CLSTN2: variants seen among roughly 807,000 people sequenced by gnomAD.
CLSTN2 encodes calsyntenin 2.
In CLSTN2, 48 loss-of-function variants were observed where a neutral mutation model predicts 101.2. The ratio of observed to expected loss-of-function variants is 0.47; its 90% CI spans 0.38 to 0.60. The LOEUF (loss-of-function observed/expected upper bound fraction) is 0.60. Ranked by LOEUF, CLSTN2 falls within the 20% of genes least tolerant of loss-of-function variation. The probability of loss-of-function intolerance (pLI) is 0.00; values close to 1 mark genes in which losing one functional copy is unlikely to be tolerated. For missense variants in CLSTN2, 1,160 were observed against 1,238.2 expected (o/e 0.94, Z 0.95); for synonymous variants, 481 against 463.6 (o/e 1.04, Z -0.48).
intron 1 of CLSTN2, among the ~76,000 whole-genome samples, chr3:140,065,868 A>G (rs998007467): frequency 9.2e-5 from 14 of 152,174 alleles, no homozygotes; most frequent in Admixed American, 2.6e-4. Context: ...CTACTTTTAT[A>G]ATCCCATGGA....
chr3:140,401,190 C>A (rs375056942), intron 2 of CLSTN2, among the ~76,000 whole-genome samples: 39 of 152,334 alleles, frequency 2.6e-4, no homozygotes, highest in African/African-American at 9.1e-4. Context: ...GCAACCAGAA[C>A]CCAAGTGTCA....
Position 140,562,148 on chromosome 3 carries a change from A to G in CLSTN2, c.2052A>G (p.Ser684=), listed in dbSNP as rs1935927913. The G allele has an allele frequency of 6.2e-7, 1 of 1,613,826 alleles. No individual in the cohort carries two copies. Among genetic ancestry groups the G allele is most frequent in the Non-Finnish European group, 8.5e-7 (1 of 1,179,904 alleles). The change falls in exon 13 of 17, where the codon TCA becomes TCG. Residue 684 remains serine (S), a synonymous_variant. Transcript: ENST00000458420. ...PGDVKTTDPK[S]EVLEEMLHNL... is the part of the protein sequence containing the mutation. ...TCTGTCTTCCTACAGACCCCAAATC[A>G]GAAGTCTTAGAGGAAATGCTTCATA... is the stretch of plus-strand genomic sequence containing the variant.
intron 2 of CLSTN2, among the ~76,000 whole-genome samples, chr3:140,295,131 TG>T (rs2086990544): frequency 1.3e-5 from 2 of 152,338 alleles, no homozygotes; most frequent in South Asian, 4.1e-4. Context: ...CAAGTTGTTT[TG>T]CCAGTTTTCT....
intron 2 of CLSTN2, among the ~76,000 whole-genome samples, chr3:140,251,382 G>A (rs2086562297): frequency 6.6e-6 from 1 of 152,124 alleles, no homozygotes; most frequent in African/African-American, 2.4e-5. Flanking sequence ...GCTATACATT[G>A]GTAATTTGCC....
chr3:140,070,608 A>G (rs560276076), intron 1 of CLSTN2, among the ~76,000 whole-genome samples: 1 of 150,704 alleles, frequency 6.6e-6, no homozygotes, highest in Admixed American at 6.6e-5. Flanking sequence ...GGATGGCCAG[A>G]TTTGATACTT....
At chr3:140,509,023 G>T (rs192986132) in intron 8 of CLSTN2, among the ~76,000 whole-genome samples, 3 of 152,286 alleles carry the variant, frequency 2.0e-5, no homozygotes, top group Admixed American at 6.5e-5. Context: ...GGGGTAGGAA[G>T]AATGGTGGGG....
intron 2 of CLSTN2, among the ~76,000 whole-genome samples, chr3:140,364,743 G>T (rs569501542): frequency 1.3e-5 from 2 of 152,130 alleles, no homozygotes; most frequent in African/African-American, 4.8e-5. Flanking sequence ...TCACATCATC[G>T]CTTACCTTTG....
chr3:140,206,894 G>A (rs2010791280), intron 2 of CLSTN2, among the ~76,000 whole-genome samples: 1 of 152,164 alleles, frequency 6.6e-6, no homozygotes, highest in African/African-American at 2.4e-5. Context: ...AACCTACAGC[G>A]CAGCTCTGGC....
At chr3:140,180,222 C>T (rs1381592161) in intron 2 of CLSTN2, among the ~76,000 whole-genome samples, 1 of 152,208 alleles carries the variant, frequency 6.6e-6, no homozygotes, top group Non-Finnish European at 1.5e-5. Context: ...AACTCAGAGA[C>T]GCTAAGCAAC....
At chr3:140,225,179 C>A (rs560576256) in intron 2 of CLSTN2, among the ~76,000 whole-genome samples, 6 of 152,214 alleles carry the variant, frequency 3.9e-5, no homozygotes, top group Admixed American at 1.3e-4. Flanking sequence ...ACCCTTCCCC[C>A]ACCTGCTGCT....
intron 1 of CLSTN2, among the ~76,000 whole-genome samples, chr3:140,111,281 T>C (rs574217337): frequency 6.6e-6 from 1 of 152,300 alleles, no homozygotes; most frequent in East Asian, 1.9e-4. Flanking sequence ...TCTATCTGAA[T>C]TGTGTGTCAT....
intron 5 of CLSTN2, among the ~76,000 whole-genome samples, chr3:140,441,205 TG>T (rs2088759380): frequency 6.6e-6 from 1 of 152,222 alleles, no homozygotes; most frequent in Non-Finnish European, 1.5e-5. Flanking sequence ...CTGCACCAAC[TG>T]GCTGTGGGAC....
At chr3:140,424,366 A>G (rs577501312) in intron 5 of CLSTN2, among the ~76,000 whole-genome samples, 1 of 152,260 alleles carries the variant, frequency 6.6e-6, no homozygotes, top group African/African-American at 2.4e-5. Context: ...TTCCTGTCCC[A>G]GCTCCCAGAC....
At chr3:140,466,543 A>G (rs1933707641) in intron 7 of CLSTN2, 67 bp from the exon 8 acceptor site, 1 of 1,603,858 alleles carries the variant, frequency 6.2e-7, no homozygotes, top group Non-Finnish European at 8.5e-7. Context: ...AGTGAGCAGG[A>G]AGACTCCTCT....
chr3:140,006,325 C>G (rs1350331153), intron 1 of CLSTN2, among the ~76,000 whole-genome samples: 1 of 152,196 alleles, frequency 6.6e-6, no homozygotes, highest in African/African-American at 2.4e-5. Context: ...CTTCCTCCCA[C>G]AAATCTAAAA....
At chr3:139,966,361 A>T (rs1187149797) in intron 1 of CLSTN2, among the ~76,000 whole-genome samples, 1 of 152,140 alleles carries the variant, frequency 6.6e-6, no homozygotes, top group Non-Finnish European at 1.5e-5. Flanking sequence ...ATCCTTTATG[A>T]TCTAGCCCCA....
chr3:140,562,400 A>T, intron 13 of CLSTN2, 92 bp downstream of exon 13: 1 of 1,212,968 alleles, frequency 8.2e-7, no homozygotes, highest in Non-Finnish European at 1.1e-6. Context: ...CCTGTGAAGG[A>T]GCACTGTGAA....
At chr3:140,114,140 C>T (rs1281485669) in intron 1 of CLSTN2, among the ~76,000 whole-genome samples, 1 of 152,160 alleles carries the variant, frequency 6.6e-6, no homozygotes, top group Non-Finnish European at 1.5e-5. Context: ...CCATCTCCAG[C>T]CAGAGCTCAT....
chr3:140,556,997 C>T lies in CLSTN2; in HGVS notation c.1823+336C>T, dbSNP rs988296390. On this transcript the variant is annotated intron_variant, in intron 11 of 16. Transcript: ENST00000458420. ...AGTGTTCTGATTTAAGGGCGCAGTGCGTGGTACACAGGAAGTCCTTGACAA... is the reference window on the plus strand; with the variant it reads ...AGTGTTCTGATTTAAGGGCGCAGTGTGTGGTACACAGGAAGTCCTTGACAA... The T allele has an allele frequency of 2.7e-5, 6 of 224,020 alleles. No individual in the cohort carries two copies. In the East Asian group the frequency reaches 5.3e-4, roughly 20 times the overall value. 13.9% of individuals were successfully genotyped at this position (224,020 alleles called of 1,614,324 possible).
Sources: allele counts gnomAD v4.1 joint callset (sites outside exome capture counted in the v4.1 genomes callset), GRCh38; gene constraint gnomAD v4.1.1; transcripts MANE v1.5; gene names NCBI Gene and HGNC (gene_info 2026-07-23, HGNC 2026-07-21).